The following TENM3 variants were observed in gnomAD, a reference collection of about 807,000 sequenced individuals.
TENM3 encodes teneurin transmembrane protein 3, also known as teneurin-3.
In TENM3, 63 loss-of-function variants were observed where a neutral mutation model predicts 255.1. The observed-to-expected ratio is 0.25, with a 90% confidence interval of 0.20 to 0.30. The LOEUF is 0.30. Ranked by LOEUF, TENM3 falls within the 10% of genes least tolerant of loss-of-function variation. The pLI is 1.00. For missense variants in TENM3, 2,929 were observed against 3,461.1 expected, an observed-to-expected ratio of 0.85 and a Z score of 3.86; for synonymous variants, 1,306 against 1,322.3, an observed-to-expected ratio of 0.99 and a Z score of 0.27.
At chr4:181,895,737 G>A in the TENM3 span, among the ~76,000 whole-genome samples, 1 of 151,430 alleles carries the variant, frequency 6.6e-6, no homozygotes, top group East Asian at 1.9e-4. Flanking sequence ...ATAGAGACAA[G>A]GTCTCACTGT....
At chr4:182,721,241 A>G (rs1246523437) in intron 13 of TENM3, among the ~76,000 whole-genome samples, 1 of 152,196 alleles carries the variant, frequency 6.6e-6, no homozygotes, top group Non-Finnish European at 1.5e-5. Flanking sequence ...GTCGTGGTAC[A>G]GAGATACTAC....
chr4:182,102,600 A>G, the TENM3 span, among the ~76,000 whole-genome samples: 101,522 of 152,070 alleles, frequency 0.67, 34,918 homozygotes, highest in Non-Finnish European at 0.75. Flanking sequence ...ATTGTTTCTG[A>G]ATCACGTGTC....
At chr4:181,447,668 G>C in the TENM3 span, among the ~76,000 whole-genome samples, 1 of 152,082 alleles carries the variant, frequency 6.6e-6, no homozygotes, top group South Asian at 2.1e-4. Flanking sequence ...ACTATCCTTT[G>C]CCTTGGCAGA....
intron 1 of TENM3, among the ~76,000 whole-genome samples, chr4:182,227,822 T>G (rs1756275832): frequency 6.6e-6 from 1 of 152,090 alleles, no homozygotes; most frequent in Non-Finnish European, 1.5e-5. Context: ...TCAGGGCTTT[T>G]GAAATTTCCT....
chr4:182,738,515 A>G lies in TENM3; in HGVS notation c.3350A>G (p.Asp1117Gly), dbSNP rs1290685286. Residue 1117 changes from aspartate (D) to glycine (G), a missense_variant, in exon 18 of 28, where the codon GAT becomes GGT. This residue lies in a region of TENM3 where 1,608 missense variants were observed against 1,884.4 expected (regional missense o/e 0.85). Transcript: ENST00000511685. ...DASNMGGWTL[D>G]KHHVLDVQNG... Reference sequence around the variant, plus strand: ...TCCAACATGGGTGGCTGGACATTAGATAAACATCACGTGCTGGATGTACAG... The same window carrying G: ...TCCAACATGGGTGGCTGGACATTAGGTAAACATCACGTGCTGGATGTACAG... 6 of 1,613,234 alleles carry G rather than the reference A, an allele frequency of 3.7e-6. No individual in the cohort carries two copies. The highest frequency in any genetic ancestry group is 2.2e-5 in the East Asian group (1 of 44,834).
intron 3 of TENM3, among the ~76,000 whole-genome samples, chr4:182,448,445 GT>G (rs973036329): frequency 1.3e-5 from 2 of 152,202 alleles, no homozygotes; most frequent in Non-Finnish European, 2.9e-5. Flanking sequence ...GGAGGGCCGA[GT>G]TTCGCGGGGC....
At chr4:182,357,165 C>T (rs1765609757) in intron 3 of TENM3, among the ~76,000 whole-genome samples, 1 of 152,018 alleles carries the variant, frequency 6.6e-6, no homozygotes, top group Non-Finnish European at 1.5e-5. Context: ...GTGAACAGTG[C>T]CTCAATAAAC....
At chr4:181,992,660 C>A in the TENM3 span, among the ~76,000 whole-genome samples, 46 of 152,116 alleles carry the variant, frequency 3.0e-4, no homozygotes, top group South Asian at 9.1e-3. Flanking sequence ...TTTATTTTTT[C>A]TCAGGTATAT....
At chr4:182,620,084 A>T (rs1416471764) in intron 4 of TENM3, among the ~76,000 whole-genome samples, 2 of 152,098 alleles carry the variant, frequency 1.3e-5, no homozygotes, top group Non-Finnish European at 2.9e-5. Context: ...TTTTTGCAGA[A>T]TTTTTTACGT....
At chr4:182,672,982 A>G (rs1479942153) in intron 6 of TENM3, 23 bp from the exon 7 acceptor site, 6 of 1,470,938 alleles carry the variant, frequency 4.1e-6, no homozygotes, top group Admixed American at 2.1e-5. Flanking sequence ...TTTGTTCTTC[A>G]TCAGTGCATC....
the TENM3 span, among the ~76,000 whole-genome samples, chr4:181,724,509 A>G: frequency 1.4e-3 from 215 of 152,222 alleles, 1 homozygote; most frequent in African/African-American, 4.9e-3. Flanking sequence ...TGTTTTCTAA[A>G]GTAACTTATT....
At chr4:181,631,722 CA>C in the TENM3 span, among the ~76,000 whole-genome samples, 5 of 152,162 alleles carry the variant, frequency 3.3e-5, no homozygotes, top group African/African-American at 1.2e-4. Flanking sequence ...CTTTGCTATA[CA>C]AAATGATCTA....
At chr4:182,577,962 A>G (rs1745097856) in intron 3 of TENM3, among the ~76,000 whole-genome samples, 1 of 151,786 alleles carries the variant, frequency 6.6e-6, no homozygotes, top group Admixed American at 6.6e-5. Context: ...AGTAAATGCT[A>G]TTCTGATGAC....
At chr4:182,317,125 C>T (rs1762794866) in intron 1 of TENM3, among the ~76,000 whole-genome samples, 1 of 152,170 alleles carries the variant, frequency 6.6e-6, no homozygotes, top group Non-Finnish European at 1.5e-5. Context: ...TTTATTATTG[C>T]TGTCAAAAGT....
In TENM3 at chr4:182,205,707, G is replaced by A. The variant is rs140883717; in HGVS notation, c.-76+60953G>A. On this transcript the variant is annotated intron_variant, in intron 1 of 2. Transcript: ENST00000512480. The stretch of plus-strand genomic sequence containing the variant: ...TCCATGAACAGTTTTATTTATTTGC[G>A]TATTTATCTATTTGCAAATTATTCT... 7.5e-4 allele frequency among the ~76,000 whole-genome samples: 114 copies of A among 152,304 alleles called. No homozygotes were observed. In the Middle Eastern group the frequency reaches 0.017, roughly 23 times the overall value.
chr4:181,485,489 T>TTTAA, the TENM3 span, among the ~76,000 whole-genome samples: 30 of 151,468 alleles, frequency 2.0e-4, no homozygotes, highest in African/African-American at 7.0e-4. Context: ...AGATTTTTTT[T>TTTAA]AAAAAAAAGA....
the TENM3 span, among the ~76,000 whole-genome samples, chr4:181,750,624 A>G: frequency 1.3e-5 from 2 of 152,098 alleles, no homozygotes; most frequent in African/African-American, 4.8e-5. Context: ...TTAGCCCAAA[A>G]TGTTTCCTTG....
the TENM3 span, among the ~76,000 whole-genome samples, chr4:182,052,082 A>T: frequency 6.6e-6 from 1 of 152,190 alleles, no homozygotes; most frequent in African/African-American, 2.4e-5. Context: ...TGCATAGAGA[A>T]GTCCCCACAG....
chr4:181,540,414 A>G, the TENM3 span, among the ~76,000 whole-genome samples: 7 of 152,272 alleles, frequency 4.6e-5, no homozygotes, highest in Admixed American at 3.3e-4. Context: ...GAGATCAAGC[A>G]CATGCCCCAC....
Sources: allele counts gnomAD v4.1 joint callset (sites outside exome capture counted in the v4.1 genomes callset), GRCh38; gene constraint gnomAD v4.1.1; regional missense constraint gnomAD v4.1.1; transcripts MANE v1.5; gene names NCBI Gene and HGNC (gene_info 2026-07-23, HGNC 2026-07-21).